Variants in ADAMTS4 observed in about 807,000 individuals in gnomAD.
The protein encoded by ADAMTS4 is ADAM metallopeptidase with thrombospondin type 1 motif 4.
ADAMTS4 carries 38 observed loss-of-function variants against 66.7 expected under a neutral mutation model. That is an observed-to-expected ratio of 0.57 (90% confidence interval 0.44 to 0.75). The LOEUF is 0.75. ADAMTS4 is among the 30% of genes least tolerant of loss of function. The pLI is 0.00. For synonymous variants in ADAMTS4, 418 were observed against 461.5 expected (o/e 0.91, Z 1.21); for missense variants, 1,014 against 1,116.7 (o/e 0.91, Z 1.31).
At position 161,194,174 on chromosome 1, in the gene ADAMTS4, T is replaced by A. The variant is rs548882539; in HGVS notation, c.1309A>T (p.Thr437Ser). The change falls in exon 5 of 9, where the codon ACT becomes TCT. Residue 437 changes from threonine (T) to serine (S), a missense_variant. Physicochemically the swap from Thr to Ser is moderately conservative, Grantham distance 58. Transcript: ENST00000367996. This position sits in a 1 kb window ranked among gnomAD's most constrained non-coding sequence, Gnocchi z 4.1. ...KPEAPLHLPV[T>S]FPGKDYDADR... Reference sequence around the variant, plus strand: ...GCATCATAGTCCTTGCCAGGGAAAGTCACAGGCAGATGCAATGGAGCCTCT... The same window carrying A: ...GCATCATAGTCCTTGCCAGGGAAAGACACAGGCAGATGCAATGGAGCCTCT... 128 of 1,614,076 alleles carry A rather than the reference T, an allele frequency of 7.9e-5. 3 individuals are homozygous for A. In the South Asian group the frequency reaches 1.4e-3, roughly 17 times the overall value.
rs1664724821 is a variant in ADAMTS4, at chr1:161,193,293, T to G, written c.1831A>C (p.Thr611Pro). ...CACTGGTCCTGGGGGGCCACGCCTGTGTAGCGAGGAACCCAGTCCATGGGC... is the reference window on the plus strand; with the variant it reads ...CACTGGTCCTGGGGGGCCACGCCTGGGTAGCGAGGAACCCAGTCCATGGGC... ...PGPMDWVPRYTGVAPQDQCKL... is the reference protein window; with the variant it reads ...PGPMDWVPRYPGVAPQDQCKL... The change falls in exon 7 of 9, where the codon ACA (threonine) becomes CCA (proline). Residue 611 changes from threonine (T) to proline (P), a missense_variant. Coordinates refer to ENST00000367996, the MANE Select transcript of ADAMTS4 (RefSeq NM_005099.6). This position sits in a 1 kb window ranked among gnomAD's most constrained non-coding sequence, Gnocchi z 4.4. The G allele has an allele frequency of 1.9e-6, 3 of 1,614,046 alleles. No individual in the cohort carries two copies. Among genetic ancestry groups the G allele is most frequent in the Non-Finnish European group, 1.7e-6 (2 of 1,179,986 alleles).
Position 161,196,869 on chromosome 1 carries a change from T to C in ADAMTS4, c.645A>G (p.Ser215=). 6.2e-7 allele frequency: 1 copy of C among 1,600,668 alleles called. No individual in the cohort carries two copies. Among genetic ancestry groups the C allele is most frequent in the Non-Finnish European group, 8.5e-7 (1 of 1,176,604 alleles). Residue 215 remains serine (S), a synonymous_variant, in exon 2 of 9, where the codon TCA becomes TCG. Transcript: ENST00000367996. ...CCAGTGTCTCCACAAATCTACTCAGTGAAGCAAAGCGCTGTAGAGAAAAAG... is the reference window on the plus strand; with the variant it reads ...CCAGTGTCTCCACAAATCTACTCAGCGAAGCAAAGCGCTGTAGAGAAAAAG... The part of the protein sequence containing the change: ...PRPRRAKRFA[S]LSRFVETLVV...
intron 3 of ADAMTS4, 83 bp downstream of exon 3, chr1:161,196,088 C>A: frequency 6.8e-7 from 1 of 1,480,900 alleles, no homozygotes; most frequent in Non-Finnish European, 9.0e-7. Context: ...TACCTTGGGA[C>A]CCCCATTAAC....
Position 161,198,380 on chromosome 1 carries a change from C to T in ADAMTS4, c.248G>A (p.Cys83Tyr). 1 of 1,612,516 alleles carries T rather than the reference C, an allele frequency of 6.2e-7. No individual in the cohort carries two copies. Among genetic ancestry groups the T allele is most frequent in the South Asian group, 1.1e-5 (1 of 90,956 alleles). Residue 83 changes from cysteine (C) to tyrosine (Y), a missense_variant, in exon 1 of 9, where the codon TGC (cysteine) becomes TAC (tyrosine). Transcript: ENST00000367996. This position sits in a 1 kb window ranked among gnomAD's most constrained non-coding sequence, Gnocchi z 4.7. ...PGSGAPARLLCRLQAFGETLL... is the reference protein window; with the variant it reads ...PGSGAPARLLYRLQAFGETLL... ...CGTCTCCCCAAAGGCCTGCAAGCGG[C>T]ACAACAGCCTGGCAGGGGCGCCCGA...
At position 161,191,199 on chromosome 1, in the gene ADAMTS4, A is replaced by T. The variant is rs767338527; in HGVS notation, c.2453T>A (p.Leu818Gln). The T allele has an allele frequency of 1.2e-6, 2 of 1,602,658 alleles. No homozygotes were observed. The highest frequency in any genetic ancestry group is 2.2e-5 in the South Asian group (2 of 90,596). Residue 818 changes from leucine (L) to glutamine (Q), a missense_variant, in exon 9 of 9, where the codon CTG (leucine) becomes CAG (glutamine). By Grantham distance (113) the Leu-to-Gln change is moderately radical. Transcript: ENST00000367996. ...CTCCAGAATCTGTGCTCTTCGGTGC[A>T]GCCAGTCCTGGGGAGTGGGGCGTGG... ...STPRPTPQDW[L>Q]HRRAQILEIL...
chr1:161,191,703 C>T, intron 8 of ADAMTS4, 139 bp from the exon 9 acceptor site: 3 of 891,972 alleles, frequency 3.4e-6, no homozygotes, highest in Non-Finnish European at 3.4e-6. Context: ...CGGTCTGGAT[C>T]AGAGCTACAT....
At chr1:161,192,990 C>A (rs769548090) in intron 7 of ADAMTS4, among the ~76,000 whole-genome samples, 2 of 152,280 alleles carry the variant, frequency 1.3e-5, no homozygotes, top group Non-Finnish European at 2.9e-5. Context: ...AAAGAAACCA[C>A]GGGAAATAGG....
In ADAMTS4 at chr1:161,191,237, C is replaced by G. The variant is rs748315188; in HGVS notation, c.2415G>C (p.Pro805=). The G allele has an allele frequency of 6.2e-6, 10 of 1,613,208 alleles. No homozygotes were observed. In the Admixed American group the frequency reaches 1.2e-4, roughly 19 times the overall value. The change falls in exon 9 of 9, where the codon CCG becomes CCC. Residue 805 remains proline, a synonymous_variant. Coordinates refer to ENST00000367996, the MANE Select transcript of ADAMTS4 (RefSeq NM_005099.6). ...RLRYSFFVPR[P]TPSTPRPTPQ... is the part of the protein sequence containing the mutation. ...GAGTGGGGCGTGGCGTTGAAGGGGT[C>G]GGCCGGGGCACGAAGAAGCTGTATC...
rs770033830 is a variant in ADAMTS4, at chr1:161,196,280, G to A, written c.981C>T (p.Cys327=). 37 of 1,612,912 alleles carry A rather than the reference G, an allele frequency of 2.3e-5. No individual in the cohort carries two copies. The highest frequency in any genetic ancestry group is 3.0e-5 in the Non-Finnish European group (35 of 1,179,454). The change falls in exon 3 of 9, where the codon TGC becomes TGT. Residue 327 remains cysteine (C), a synonymous_variant. Transcript: ENST00000367996. ...TRQDLCGVST[C]DTLGMADVGT... ...CCACATCAGCCATACCCAGCGTGTC[G>A]CAAGTGGAGACTCCACACAGGTCCT...
rs146525824 is a variant in ADAMTS4 at position 161,191,161 on chromosome 1, G to A, written c.2491C>T (p.Arg831Cys). The A allele has an allele frequency of 1.7e-5, 27 of 1,562,386 alleles. No homozygotes were observed. The highest frequency in any genetic ancestry group is 5.4e-5 in the Admixed American group (3 of 55,608). Residue 831 changes from arginine to cysteine, a missense_variant, in exon 9 of 9, where the codon CGC becomes TGC. Coordinates refer to ENST00000367996, the MANE Select transcript of ADAMTS4 (RefSeq NM_005099.6). Reference sequence around the variant, plus strand: ...GGTTATTTCCTGCCCGCCCAGGGGCGCCGCCGAAGGATCTCCAGAATCTGT... The same window carrying A: ...GGTTATTTCCTGCCCGCCCAGGGGCACCGCCGAAGGATCTCCAGAATCTGT... ...RAQILEILRR[R>C]PWAGRK
rs12738103 is a variant in ADAMTS4, at chr1:161,192,879, T to G, written c.1911+334A>C. 6.3e-3 allele frequency among the ~76,000 whole-genome samples: 954 copies of G among 152,156 alleles called. 5 individuals are homozygous for G. The highest frequency in any genetic ancestry group is 9.9e-3 in the Non-Finnish European group (671 of 67,994). On this transcript the variant is annotated intron_variant, in intron 7 of 8. Coordinates refer to ENST00000367996, the MANE Select transcript of ADAMTS4 (RefSeq NM_005099.6). ...GAGCTGAATGAAACCACCACTATAATTTGACAGAGGAGCCCATGGAAGAGG... is the reference window on the plus strand; with the variant it reads ...GAGCTGAATGAAACCACCACTATAAGTTGACAGAGGAGCCCATGGAAGAGG...
chr1:161,195,803 G>T, intron 3 of ADAMTS4, 168 bp from the exon 4 acceptor site: 1 of 636,440 alleles, frequency 1.6e-6, no homozygotes, highest in African/African-American at 1.9e-5. Context: ...ATGTAGCCCC[G>T]TCTCTTTCTC....
chr1:161,191,693 C>T (rs1216733654), intron 8 of ADAMTS4, 129 bp from the exon 9 acceptor site: 12 of 967,260 alleles, frequency 1.2e-5, no homozygotes, highest in Admixed American at 8.0e-5. Flanking sequence ...GTGAGCTGTT[C>T]GGTCTGGATC....
Position 161,185,001 on chromosome 1 carries a change from A to AGG in ADAMTS4, c.*6136_*6137insCC. 1 of 147,288 alleles carries AGG rather than the reference A, an allele frequency of 6.8e-6. No individual in the cohort carries two copies. The highest frequency in any genetic ancestry group is 6.9e-5 in the Admixed American group (1 of 14,514). 9.1% of individuals were successfully genotyped at this position (147,288 alleles called of 1,614,324 possible). A position where few individuals can be genotyped will look rare whatever the true frequency, so the allele number is the denominator to read the frequency against. ...ACGCCATTGCACTCTAGCCTGGGTG[A>AGG]CAGAATGAGAATCTGTCTTAAGAAA... On this transcript the variant is annotated 3_prime_UTR_variant, in exon 9 of 9. Coordinates refer to ENST00000367996, the MANE Select transcript of ADAMTS4 (RefSeq NM_005099.6).
chr1:161,196,155 T>A lies in ADAMTS4; in HGVS notation c.1090+16A>T. 1 of 1,569,172 alleles carries A rather than the reference T, an allele frequency of 6.4e-7. No homozygotes were observed. The highest frequency in any genetic ancestry group is 1.2e-5 in the South Asian group (1 of 85,996). On this transcript the variant is annotated intron_variant, in intron 3 of 8. Coordinates refer to ENST00000367996, the MANE Select transcript of ADAMTS4 (RefSeq NM_005099.6). ...CTTCTCCTCCCTAATACCTTTCTCA[T>A]CCACCCCTACTTTACCCAGTTCATG...
rs2102007146 is a variant in ADAMTS4 at position 161,185,910 on chromosome 1, GC to G, written c.*5227del. 1 of 152,218 alleles carries G rather than the reference GC, an allele frequency of 6.6e-6. No individual in the cohort carries two copies. Among genetic ancestry groups the G allele is most frequent in the Non-Finnish European group, 1.5e-5 (1 of 68,034 alleles). The allele number at this position is 152,218 out of a possible 1,614,324, so 9.4% of individuals were successfully genotyped here. Reference sequence around the variant, plus strand: ...GGGCAGAAGGGACTTTAGGAAATTGGCCCAACTTATTGCTTCAACTTCCTCC... The same window carrying G: ...GGGCAGAAGGGACTTTAGGAAATTGGCCAACTTATTGCTTCAACTTCCTCC... On this transcript the variant is annotated 3_prime_UTR_variant, in exon 9 of 9. Transcript: ENST00000367996.
Position 161,191,220 on chromosome 1 carries a change from C to T in ADAMTS4, c.2432G>A (p.Arg811His), listed in dbSNP as rs148170603. ...GTGCAGCCAGTCCTGGGGAGTGGGG[C>T]GTGGCGTTGAAGGGGTCGGCCGGGG... is the stretch of plus-strand genomic sequence containing the variant. ...FVPRPTPSTP[R>H]PTPQDWLHRR... The change falls in exon 9 of 9, where the codon CGC (arginine) becomes CAC (histidine). Residue 811 changes from arginine (R) to histidine (H), a missense_variant. Coordinates refer to ENST00000367996, the MANE Select transcript of ADAMTS4 (RefSeq NM_005099.6). The T allele has an allele frequency of 4.4e-5, 71 of 1,611,664 alleles. 1 individual carries two copies. The Admixed American group carries it at 7.3e-4, about 17-fold the overall frequency.
Position 161,191,402 on chromosome 1 carries a change from A to G in ADAMTS4, c.2250T>C (p.Asp750=), listed in dbSNP as rs1172824115. 2 of 1,614,100 alleles carry G rather than the reference A, an allele frequency of 1.2e-6. No individual in the cohort carries two copies. Among genetic ancestry groups the G allele is most frequent in the Non-Finnish European group, 1.7e-6 (2 of 1,180,012 alleles). ...GEYTLMPSPT[D]VVLPGAVSLR... ...AGCTGACTGCCCCAGGCAGTACCACATCTGTGGGGGAGGGCATCAGCGTGT... is the reference window on the plus strand; with the variant it reads ...AGCTGACTGCCCCAGGCAGTACCACGTCTGTGGGGGAGGGCATCAGCGTGT... Residue 750 remains aspartate, a synonymous_variant, in exon 9 of 9, where the codon GAT becomes GAC. Coordinates refer to ENST00000367996, the MANE Select transcript of ADAMTS4 (RefSeq NM_005099.6).
rs1328712061 is a variant in ADAMTS4 at position 161,193,921 on chromosome 1, C to T, written c.1548+14G>A. 1 of 1,567,248 alleles carries T rather than the reference C, an allele frequency of 6.4e-7. No homozygotes were observed. Among genetic ancestry groups the T allele is most frequent in the Non-Finnish European group, 8.7e-7 (1 of 1,153,998 alleles). Reference sequence around the variant, plus strand: ...CCCCGGGCCCTTTACCCCACCCCTGCCCTAGGATCTCACATTGAAGTCCTG... The same window carrying T: ...CCCCGGGCCCTTTACCCCACCCCTGTCCTAGGATCTCACATTGAAGTCCTG... On this transcript the variant is annotated intron_variant, in intron 5 of 8. Coordinates refer to ENST00000367996, the MANE Select transcript of ADAMTS4 (RefSeq NM_005099.6). This position sits in a 1 kb window ranked among gnomAD's most constrained non-coding sequence, Gnocchi z 4.4.
Sources: allele counts gnomAD v4.1 joint callset (sites outside exome capture counted in the v4.1 genomes callset), GRCh38; gene constraint gnomAD v4.1.1; non-coding constraint Gnocchi (gnomAD v3.1); transcripts MANE v1.5; gene names NCBI Gene and HGNC (gene_info 2026-07-23, HGNC 2026-07-21).